The following CNTN1 variants were observed in gnomAD, a reference collection of about 807,000 sequenced individuals.
The protein encoded by CNTN1 is contactin 1.
CNTN1 carries 38 observed loss-of-function variants against 126.4 expected under a neutral mutation model. The observed-to-expected ratio is 0.30, with a 90% CI of 0.23 to 0.39. The LOEUF (loss-of-function observed/expected upper bound fraction) is 0.39. Among genes scored for constraint, CNTN1 ranks in the 10% least tolerant of loss-of-function variants. CNTN1 has a pLI of 1.00. For missense variants in CNTN1, 1,009 were observed against 1,248.4 expected, an observed-to-expected ratio of 0.81 and a Z score of 2.89; for synonymous variants, 413 against 422.6, an observed-to-expected ratio of 0.98 and a Z score of 0.28.
chr12:40,871,306 A>G (rs1317468601), intron 1 of CNTN1, among the ~76,000 whole-genome samples: 1 of 151,886 alleles, frequency 6.6e-6, no homozygotes, highest in Non-Finnish European at 1.5e-5. Flanking sequence ...ATTGAATACT[A>G]TGGGACTTAC....
intron 1 of CNTN1, among the ~76,000 whole-genome samples, chr12:40,780,990 A>G (rs1939777023): frequency 6.6e-6 from 1 of 151,858 alleles, no homozygotes; most frequent in Non-Finnish European, 1.5e-5. Context: ...ACTAGACAGC[A>G]ATCACATACT....
intron 12 of CNTN1, 114 bp downstream of exon 12, chr12:40,939,599 T>C (rs1946196237): frequency 2.7e-6 from 3 of 1,093,520 alleles, no homozygotes; most frequent in Non-Finnish European, 4.0e-6. Context: ...ATTTTTTTTT[T>C]CACAGAAGAT....
intron 1 of CNTN1, among the ~76,000 whole-genome samples, chr12:40,877,250 C>T (rs376893766): frequency 7.9e-5 from 12 of 152,218 alleles, no homozygotes; most frequent in African/African-American, 2.6e-4. Flanking sequence ...GAAGTTAATA[C>T]CCTGAGTTTC....
intron 1 of CNTN1, among the ~76,000 whole-genome samples, chr12:40,721,515 G>A (rs1444441083): frequency 1.3e-5 from 2 of 151,860 alleles, no homozygotes; most frequent in African/African-American, 2.4e-5. Flanking sequence ...CATGAAGGAT[G>A]CTGTCTGCTG....
At chr12:40,988,970 CA>C (rs1948035347) in intron 16 of CNTN1, among the ~76,000 whole-genome samples, 1 of 152,190 alleles carries the variant, frequency 6.6e-6, no homozygotes, top group African/African-American at 2.4e-5. Flanking sequence ...GATCCATCCC[CA>C]GTATTTGCCT....
At chr12:40,741,093 T>C (rs1197131187) in intron 1 of CNTN1, among the ~76,000 whole-genome samples, 1 of 152,090 alleles carries the variant, frequency 6.6e-6, no homozygotes, top group Non-Finnish European at 1.5e-5. Flanking sequence ...TAATTGATGG[T>C]TAGTAAATGA....
chr12:41,007,814 T>C (rs1371574595), intron 17 of CNTN1, among the ~76,000 whole-genome samples: 1 of 152,236 alleles, frequency 6.6e-6, no homozygotes, highest in East Asian at 1.9e-4. Flanking sequence ...AGATGGACCA[T>C]CTTGAACATG....
At chr12:40,787,440 C>T (rs1940067459) in intron 1 of CNTN1, among the ~76,000 whole-genome samples, 1 of 152,058 alleles carries the variant, frequency 6.6e-6, no homozygotes, top group Non-Finnish European at 1.5e-5. Context: ...GCAGACTCTG[C>T]TTTTTGTTAT....
chr12:40,875,015 G>A (rs1255000046), intron 1 of CNTN1, among the ~76,000 whole-genome samples: 3 of 152,118 alleles, frequency 2.0e-5, no homozygotes, highest in Non-Finnish European at 4.4e-5. Context: ...TTGACCACAT[G>A]TGCCTTTGGG....
chr12:40,891,130 C>T (rs1265066166), intron 1 of CNTN1, among the ~76,000 whole-genome samples: 1 of 152,084 alleles, frequency 6.6e-6, no homozygotes, highest in Admixed American at 6.6e-5. Context: ...TGTTGAGCAT[C>T]TCTTCATATA....
chr12:41,041,662 G>A (rs1231122661), intron 23 of CNTN1, among the ~76,000 whole-genome samples: 1 of 152,156 alleles, frequency 6.6e-6, no homozygotes, highest in African/African-American at 2.4e-5. Context: ...ATGTGTCAAG[G>A]AATTTATCCA....
At chr12:40,714,986 T>C (rs1391102703) in intron 1 of CNTN1, among the ~76,000 whole-genome samples, 2 of 152,132 alleles carry the variant, frequency 1.3e-5, no homozygotes, top group Non-Finnish European at 2.9e-5. Context: ...AGAAAACTAT[T>C]TTGTAAGCAT....
At chr12:40,748,662 G>A (rs1419596380) in intron 1 of CNTN1, among the ~76,000 whole-genome samples, 1 of 152,056 alleles carries the variant, frequency 6.6e-6, no homozygotes, top group Non-Finnish European at 1.5e-5. Flanking sequence ...TTTATCCTCA[G>A]TGTATTCATT....
intron 1 of CNTN1, among the ~76,000 whole-genome samples, chr12:40,836,867 T>G (rs1381551824): frequency 6.6e-6 from 1 of 152,216 alleles, no homozygotes; most frequent in Non-Finnish European, 1.5e-5. Context: ...TCCAGAACAC[T>G]ATGATATCCT....
intron 1 of CNTN1, among the ~76,000 whole-genome samples, chr12:40,802,718 GA>G (rs1441694526): frequency 1.3e-5 from 2 of 151,978 alleles, no homozygotes; most frequent in African/African-American, 4.8e-5. Flanking sequence ...GTGGCATGGT[GA>G]AAGACTCTAT....
intron 1 of CNTN1, among the ~76,000 whole-genome samples, chr12:40,779,269 TC>T (rs1939703152): frequency 6.6e-6 from 1 of 151,828 alleles, no homozygotes; most frequent in African/African-American, 2.4e-5. Flanking sequence ...TTCTCAAATT[TC>T]CCCGTCTGTT....
intron 1 of CNTN1, among the ~76,000 whole-genome samples, chr12:40,879,005 A>AAAAT (rs1241621697): frequency 1.3e-5 from 2 of 152,130 alleles, no homozygotes; most frequent in Admixed American, 6.6e-5. Flanking sequence ...TAATATTACA[A>AAAAT]AAATAAAATC....
At chr12:40,918,057 T>C (rs1945306531) in intron 3 of CNTN1, among the ~76,000 whole-genome samples, 1 of 152,152 alleles carries the variant, frequency 6.6e-6, no homozygotes, top group South Asian at 2.1e-4. Flanking sequence ...AGGCTCCTTT[T>C]GTTTTCCAGA....
At chr12:41,012,925 C>A (rs972222974) in intron 17 of CNTN1, among the ~76,000 whole-genome samples, 2 of 152,008 alleles carry the variant, frequency 1.3e-5, no homozygotes, top group African/African-American at 4.8e-5. Flanking sequence ...TCATCTCACA[C>A]CAGGAAAACT....
Sources: allele counts gnomAD v4.1 joint callset (sites outside exome capture counted in the v4.1 genomes callset), GRCh38; gene constraint gnomAD v4.1.1; transcripts MANE v1.5; gene names NCBI Gene and HGNC (gene_info 2026-07-23, HGNC 2026-07-21).